Variants in ZZZ3 observed in about 807,000 individuals in gnomAD.
The protein encoded by ZZZ3 is zinc finger ZZ-type containing 3.
ZZZ3 carries 22 observed loss-of-function variants against 95.2 expected under a neutral mutation model. The ratio of observed to expected loss-of-function variants is 0.23; its 90% CI spans 0.17 to 0.33. The LOEUF (loss-of-function observed/expected upper bound fraction) is 0.33, where lower values mean the gene tolerates loss of function less well. ZZZ3 is among the 10% of genes least tolerant of loss of function. The pLI, the probability that ZZZ3 is intolerant of heterozygous loss-of-function variation, is 1.00. For synonymous variants in ZZZ3, 335 were observed against 358.9 expected (o/e 0.93, Z 0.75); for missense variants, 885 against 1,066.5 (o/e 0.83, Z 2.37).
At chr1:77,646,554 G>T (rs1669295506) in intron 1 of ZZZ3, among the ~76,000 whole-genome samples, 2 of 152,038 alleles carry the variant, frequency 1.3e-5, no homozygotes, top group Non-Finnish European at 2.9e-5. Flanking sequence ...CTTTAAAAAT[G>T]CATGCTCTAC....
intron 1 of ZZZ3, among the ~76,000 whole-genome samples, chr1:77,673,217 A>T (rs1386337367): frequency 6.6e-6 from 1 of 152,214 alleles, no homozygotes; most frequent in African/African-American, 2.4e-5. Flanking sequence ...GCAGGAATAC[A>T]GTCATAAATC....
At position 77,632,537 on chromosome 1, in the gene ZZZ3, A is replaced by G. The variant is rs1249200893; in HGVS notation, c.818T>C (p.Val273Ala). Residue 273 changes from valine (V) to alanine (A), a missense_variant, in exon 5 of 15, where the codon GTG (valine) becomes GCG (alanine). Transcript: ENST00000370801. ...DHKVPCTDSQ[V>A]QVKLEDHKIV... ...TTTGTGGTCCTCCAACTTGACCTGC[A>G]CTTGTGAATCTGTGCAAGGCACCTT... 1.2e-6 allele frequency: 2 copies of G among 1,614,182 alleles called. No homozygotes were observed. Among genetic ancestry groups the G allele is most frequent in the Admixed American group, 3.3e-5 (2 of 60,016 alleles).
At chr1:77,680,296 G>A (rs1209010853) in intron 1 of ZZZ3, among the ~76,000 whole-genome samples, 1 of 152,124 alleles carries the variant, frequency 6.6e-6, no homozygotes, top group African/African-American at 2.4e-5. Flanking sequence ...ATACCGACTC[G>A]GGCTGTCCTC....
At chr1:77,667,279 AT>A (rs1463412140) in intron 1 of ZZZ3, among the ~76,000 whole-genome samples, 1 of 152,200 alleles carries the variant, frequency 6.6e-6, no homozygotes, top group Non-Finnish European at 1.5e-5. Context: ...TGCTCTAAGT[AT>A]TTTACTGGAA....
intron 1 of ZZZ3, among the ~76,000 whole-genome samples, chr1:77,651,638 G>A (rs1234992384): frequency 1.3e-5 from 2 of 152,134 alleles, no homozygotes; most frequent in African/African-American, 4.8e-5. Context: ...TATGCAAAAT[G>A]AAAAACATTC....
At chr1:77,628,401 G>T (rs1240889205) in intron 5 of ZZZ3, among the ~76,000 whole-genome samples, 1 of 152,074 alleles carries the variant, frequency 6.6e-6, no homozygotes, top group Non-Finnish European at 1.5e-5. Context: ...CTCACAGTGG[G>T]GTTCTCCATT....
intron 5 of ZZZ3, among the ~76,000 whole-genome samples, chr1:77,605,063 T>C (rs1006807296): frequency 2.6e-5 from 4 of 152,140 alleles, no homozygotes; most frequent in African/African-American, 9.7e-5. Context: ...AACAGAACCT[T>C]CATGAGATCC....
intron 12 of ZZZ3, among the ~76,000 whole-genome samples, chr1:77,573,919 T>A (rs1661658130): frequency 6.6e-6 from 1 of 151,694 alleles, no homozygotes; most frequent in Admixed American, 6.6e-5. Flanking sequence ...AGAAAATAAT[T>A]TCAGGAATAG....
At chr1:77,663,230 A>G (rs1199680952) in intron 1 of ZZZ3, among the ~76,000 whole-genome samples, 5 of 152,190 alleles carry the variant, frequency 3.3e-5, no homozygotes, top group African/African-American at 1.2e-4. Flanking sequence ...AATTATTAGG[A>G]TAATTGAAAA....
chr1:77,671,993 T>C (rs962264115), intron 1 of ZZZ3, among the ~76,000 whole-genome samples: 10 of 152,172 alleles, frequency 6.6e-5, no homozygotes, highest in African/African-American at 1.4e-4. Flanking sequence ...GACAAAGGGA[T>C]GATTCACATA....
intron 1 of ZZZ3, among the ~76,000 whole-genome samples, chr1:77,676,792 T>C (rs956598009): frequency 1.3e-5 from 2 of 151,922 alleles, no homozygotes; most frequent in South Asian, 2.1e-4. Flanking sequence ...ATGATTAAAA[T>C]GTAAAAATGA....
intron 5 of ZZZ3, among the ~76,000 whole-genome samples, chr1:77,592,221 C>T (rs1663771705): frequency 1.3e-5 from 2 of 152,156 alleles, no homozygotes; most frequent in Admixed American, 1.3e-4. Context: ...ATCAAGATAC[C>T]CACAGAAGCA....
At chr1:77,635,477 T>A (rs1159577613) in intron 4 of ZZZ3, among the ~76,000 whole-genome samples, 1 of 152,238 alleles carries the variant, frequency 6.6e-6, no homozygotes, top group African/African-American at 2.4e-5. Flanking sequence ...CAGCTGACAT[T>A]TAATTATCGT....
At chr1:77,631,337 C>T (rs1383764100) in intron 5 of ZZZ3, among the ~76,000 whole-genome samples, 1 of 152,018 alleles carries the variant, frequency 6.6e-6, no homozygotes, top group Non-Finnish European at 1.5e-5. Flanking sequence ...TAGTAATATC[C>T]ACTTCTCTAA....
chr1:77,670,141 A>G (rs888464751), intron 1 of ZZZ3, among the ~76,000 whole-genome samples: 2 of 148,790 alleles, frequency 1.3e-5, no homozygotes, highest in Non-Finnish European at 3.0e-5. Flanking sequence ...GCAAATCTCC[A>G]TGTTTTACTT....
intron 5 of ZZZ3, among the ~76,000 whole-genome samples, chr1:77,608,324 G>A (rs1330866917): frequency 6.6e-6 from 1 of 152,188 alleles, no homozygotes; most frequent in Non-Finnish European, 1.5e-5. Context: ...TCAGTGGAAA[G>A]CTCACAGGCC....
At chr1:77,683,269 G>T (rs938662646), upstream of ZZZ3, 1 of 138,088 alleles carries the variant, frequency 7.2e-6, no homozygotes, top group Middle Eastern at 3.9e-3. Context: ...CACCTTTCAC[G>T]CGGGGTCGGA....
chr1:77,662,938 C>T (rs1281112317), intron 1 of ZZZ3, among the ~76,000 whole-genome samples: 2 of 152,020 alleles, frequency 1.3e-5, no homozygotes, highest in Non-Finnish European at 2.9e-5. Flanking sequence ...CGCTCCGTCT[C>T]TACAAAAAAA....
chr1:77,577,162 T>C (rs935002487), intron 11 of ZZZ3, among the ~76,000 whole-genome samples: 3 of 152,162 alleles, frequency 2.0e-5, no homozygotes, highest in Non-Finnish European at 4.4e-5. Context: ...TTCACCTGTT[T>C]CCAAATTTAA....
Sources: gnomAD v4.1 joint callset for allele counts (sites outside exome capture counted in the v4.1 genomes callset) on GRCh38, gnomAD v4.1.1 for gene constraint, MANE v1.5 for transcripts, NCBI Gene and HGNC (gene_info 2026-07-23, HGNC 2026-07-21) for gene names.